The following PRDM11 variants were observed in gnomAD, a reference collection of about 807,000 sequenced individuals.
PRDM11 encodes PR/SET domain 11, also known as PR domain-containing protein 11.
Under a neutral mutation model 97.8 loss-of-function variants are expected in PRDM11, and 20 were observed. The ratio of observed to expected loss-of-function variants is 0.20; its 90% CI spans 0.14 to 0.30. The LOEUF (loss-of-function observed/expected upper bound fraction) is 0.30, where lower values mean the gene tolerates loss of function less well. Ranked by LOEUF, PRDM11 falls within the 10% of genes least tolerant of loss-of-function variation. The pLI, the probability that PRDM11 is intolerant of heterozygous loss-of-function variation, is 1.00. For synonymous variants in PRDM11, 599 were observed against 637.7 expected (o/e 0.94, Z 0.91); for missense variants, 1,139 against 1,555.2 (o/e 0.73, Z 4.50).
intron 1 of PRDM11, among the ~76,000 whole-genome samples, chr11:45,101,119 C>A (rs1851967431): frequency 6.6e-6 from 1 of 152,124 alleles, no homozygotes; most frequent in Non-Finnish European, 1.5e-5. Context: ...TTCTTGCACC[C>A]TAGTCACCTT....
At chr11:45,097,584 A>C (rs1237746940) in intron 1 of PRDM11, among the ~76,000 whole-genome samples, 1 of 152,212 alleles carries the variant, frequency 6.6e-6, no homozygotes, top group East Asian at 1.9e-4. Context: ...AGATGCTCAG[A>C]CCATTGAACT....
In PRDM11 at chr11:45,226,083, G is replaced by A; in HGVS notation, c.1458G>A (p.Met486Ile). ...CAGATGAATCTGTCTCCAATGATATGATGACAGCGACGGATGAGCCCTCCA... is the reference window on the plus strand; with the variant it reads ...CAGATGAATCTGTCTCCAATGATATAATGACAGCGACGGATGAGCCCTCCA... ...DSADESVSND[M>I]MTATDEPSKM... is the part of the protein sequence containing the mutation. The change falls in exon 8 of 8, where the codon ATG becomes ATA. Residue 486 changes from methionine (M) to isoleucine (I), a missense_variant. Met to Ile is a conservative substitution (Grantham distance 10). Transcript: ENST00000683152. 6.5e-7 allele frequency: 1 copy of A among 1,531,046 alleles called. No homozygotes were observed. Among genetic ancestry groups the A allele is most frequent in the Non-Finnish European group, 8.7e-7 (1 of 1,144,232 alleles). The allele number at this position is 1,531,046 out of a possible 1,614,324, so 94.8% of individuals were successfully genotyped here.
At chr11:45,163,837 A>G (rs1410572910) in intron 1 of PRDM11, among the ~76,000 whole-genome samples, 6 of 152,294 alleles carry the variant, frequency 3.9e-5, no homozygotes, top group South Asian at 2.1e-4. Context: ...CATTGGGACA[A>G]CTGGGCTTGG....
chr11:45,228,060 C>T lies in PRDM11; in HGVS notation c.3435C>T (p.Tyr1145=), dbSNP rs534212188. The change falls in exon 8 of 8, where the codon TAC becomes TAT. Residue 1145 remains tyrosine (Y), a synonymous_variant. Coordinates refer to ENST00000683152, the MANE Select transcript of PRDM11 (RefSeq NM_001384648.1). ...TTGAGGAGAAGTCTGGGAACAGTTA[C>T]GCGCTGTCTGCAGAAGTCCTCAGTA... The part of the protein sequence containing the change: ...SWFEEKSGNS[Y]ALSAEVLSRM... 119 of 1,533,758 alleles carry T rather than the reference C, an allele frequency of 7.8e-5. No homozygotes were observed. The Middle Eastern group carries it at 1.1e-3, about 15-fold the overall frequency.
At chr11:45,163,363 T>C (rs575690792) in intron 1 of PRDM11, among the ~76,000 whole-genome samples, 2 of 152,350 alleles carry the variant, frequency 1.3e-5, no homozygotes, top group Admixed American at 6.5e-5. Flanking sequence ...ACCAAGGTCT[T>C]GGACAAGGTC....
intron 1 of PRDM11, among the ~76,000 whole-genome samples, chr11:45,136,622 TC>T (rs939069698): frequency 1.6e-4 from 25 of 152,074 alleles, no homozygotes; most frequent in African/African-American, 6.0e-4. Flanking sequence ...AAGAACCAGG[TC>T]CCTTAGAAGG....
At chr11:45,110,256 A>T (rs369098640) in intron 1 of PRDM11, among the ~76,000 whole-genome samples, 1 of 152,212 alleles carries the variant, frequency 6.6e-6, no homozygotes, top group Admixed American at 6.5e-5. Context: ...CAGACCCAAG[A>T]AGTGGCAGCT....
chr11:45,187,538 A>C (rs1043350904), intron 4 of PRDM11, among the ~76,000 whole-genome samples: 1 of 152,188 alleles, frequency 6.6e-6, no homozygotes, highest in Non-Finnish European at 1.5e-5. Context: ...CTGGTTCTAG[A>C]CTAGCTCCAC....
intron 4 of PRDM11, among the ~76,000 whole-genome samples, chr11:45,188,083 A>C (rs1852774187): frequency 6.6e-6 from 1 of 151,928 alleles, no homozygotes; most frequent in South Asian, 2.1e-4. Context: ...CTGCCTGCAA[A>C]AGCTCTGGCC....
chr11:45,209,109 C>T (rs772679165), intron 5 of PRDM11: 4 of 456,602 alleles, frequency 8.8e-6, no homozygotes, highest in South Asian at 1.5e-5. Context: ...TGACATGAAA[C>T]GGAGGACCAA....
intron 1 of PRDM11, among the ~76,000 whole-genome samples, chr11:45,124,953 T>C (rs1852529448): frequency 6.6e-6 from 1 of 152,242 alleles, no homozygotes. Flanking sequence ...AATTTGGCTG[T>C]GAATCCATCT....
intron 1 of PRDM11, among the ~76,000 whole-genome samples, chr11:45,103,451 A>G (rs1377419422): frequency 6.6e-6 from 1 of 152,220 alleles, no homozygotes. Context: ...GTAGAGACAG[A>G]AAAATCTAGG....
At chr11:45,163,388 C>T (rs1189690961) in intron 1 of PRDM11, among the ~76,000 whole-genome samples, 18 of 152,218 alleles carry the variant, frequency 1.2e-4, no homozygotes. Flanking sequence ...AGGCATGGAG[C>T]GGGATTCCAG....
upstream of PRDM11, among the ~76,000 whole-genome samples, chr11:45,146,478 T>G (rs1851510685): frequency 6.6e-6 from 1 of 152,034 alleles, no homozygotes; most frequent in Non-Finnish European, 1.5e-5. Context: ...TCCCTTTGGG[T>G]TTGGAGAGCC....
At chr11:45,122,702 T>C (rs1291650052) in intron 1 of PRDM11, among the ~76,000 whole-genome samples, 1 of 152,286 alleles carries the variant, frequency 6.6e-6, no homozygotes, top group South Asian at 2.1e-4. Flanking sequence ...TAGTATTCCA[T>C]GGTGTATATG....
At chr11:45,178,716 A>G (rs907332515) in intron 1 of PRDM11, among the ~76,000 whole-genome samples, 1 of 152,220 alleles carries the variant, frequency 6.6e-6, no homozygotes, top group Middle Eastern at 3.2e-3. Context: ...CAAGGTTCTC[A>G]GGGTGCAAAA....
At chr11:45,132,192 G>A (rs1041942467) in intron 1 of PRDM11, among the ~76,000 whole-genome samples, 3 of 152,176 alleles carry the variant, frequency 2.0e-5, no homozygotes, top group African/African-American at 4.8e-5. Flanking sequence ...CTGGAGCTGC[G>A]CTGTGCAGGG....
At chr11:45,140,233 T>C (rs1369872639) in intron 1 of PRDM11, among the ~76,000 whole-genome samples, 1 of 152,234 alleles carries the variant, frequency 6.6e-6, no homozygotes, top group Non-Finnish European at 1.5e-5. Context: ...GGAAATGTTC[T>C]CTGACAAGGG....
chr11:45,145,507 T>C (rs1027717531), upstream of PRDM11, among the ~76,000 whole-genome samples: 1 of 152,088 alleles, frequency 6.6e-6, no homozygotes, highest in East Asian at 1.9e-4. Flanking sequence ...TTCCCTGGGG[T>C]AGTACCCTCT....
Sources: allele counts gnomAD v4.1 joint callset (sites outside exome capture counted in the v4.1 genomes callset), GRCh38; gene constraint gnomAD v4.1.1; transcripts MANE v1.5; gene names NCBI Gene and HGNC (gene_info 2026-07-23, HGNC 2026-07-21).